Variants in GMDS observed in about 807,000 individuals in gnomAD.
The protein encoded by GMDS is GDP-mannose 4,6 dehydratase.
Under a neutral mutation model 49.9 loss-of-function variants are expected in GMDS, and 20 were observed. The ratio of observed to expected loss-of-function variants is 0.40; its 90% confidence interval spans 0.28 to 0.58. GMDS has a LOEUF of 0.58. Ranked by LOEUF, GMDS falls within the 20% of genes least tolerant of loss-of-function variation. GMDS has a pLI of 0.42. For missense variants in GMDS, 362 were observed against 481.4 expected, an observed-to-expected ratio of 0.75 and a Z score of 2.32; for synonymous variants, 177 against 178.6, an observed-to-expected ratio of 0.99 and a Z score of 0.07.
chr6:2,230,701 G>A (rs550834675), intron 1 of GMDS, among the ~76,000 whole-genome samples: 45 of 151,388 alleles, frequency 3.0e-4, no homozygotes, highest in African/African-American at 9.0e-4. Flanking sequence ...AATTGATAAG[G>A]GATAAAATTA....
intron 4 of GMDS, among the ~76,000 whole-genome samples, chr6:1,974,907 G>A (rs1356024877): frequency 6.6e-6 from 1 of 151,696 alleles, no homozygotes; most frequent in African/African-American, 2.4e-5. Flanking sequence ...GCACGATGGT[G>A]GGCGCCTGTA....
intron 4 of GMDS, among the ~76,000 whole-genome samples, chr6:2,059,149 C>T (rs1202065462): frequency 1.5e-5 from 2 of 129,794 alleles, no homozygotes; most frequent in Non-Finnish European, 3.1e-5. Context: ...GCACTCCAGC[C>T]TGGGCGACAG....
chr6:1,790,401 A>G (rs1488480196), intron 7 of GMDS, among the ~76,000 whole-genome samples: 1 of 152,228 alleles, frequency 6.6e-6, no homozygotes, highest in Non-Finnish European at 1.5e-5. Context: ...ATAAAGAAGC[A>G]AAAGTGAAAT....
rs143044580 is a variant in GMDS at position 2,226,555 on chromosome 6, A to T, written c.102+18766T>A. Among the ~76,000 whole-genome samples, 109 of 152,342 alleles carry T rather than the reference A, an allele frequency of 7.2e-4. 1 individual carries two copies. The highest frequency in any genetic ancestry group is 2.4e-3 in the African/African-American group (99 of 41,582). On this transcript the variant is annotated intron_variant, in intron 1 of 10. Coordinates refer to ENST00000380815, the MANE Select transcript of GMDS (RefSeq NM_001500.4). ...TAGCCCCAACAACAGAGATATTATA[A>T]CCCTCCTATCAGAATACACAGAAAT...
At chr6:2,161,465 G>A (rs947797975) in intron 1 of GMDS, among the ~76,000 whole-genome samples, 4 of 152,188 alleles carry the variant, frequency 2.6e-5, no homozygotes, top group African/African-American at 9.7e-5. Flanking sequence ...GACATCTTAT[G>A]AGTACTGGGA....
intron 7 of GMDS, among the ~76,000 whole-genome samples, chr6:1,842,061 T>C (rs1040130137): frequency 2.0e-5 from 3 of 152,202 alleles, no homozygotes; most frequent in Non-Finnish European, 4.4e-5. Flanking sequence ...CCATTCTCCA[T>C]ATTCACATAC....
chr6:1,850,030 T>A (rs1186631031), intron 7 of GMDS, among the ~76,000 whole-genome samples: 3 of 152,244 alleles, frequency 2.0e-5, no homozygotes, highest in African/African-American at 7.2e-5. Flanking sequence ...CCATAAATGA[T>A]CATCATGTGT....
chr6:1,773,430 T>C (rs958123200), intron 7 of GMDS, among the ~76,000 whole-genome samples: 3 of 152,202 alleles, frequency 2.0e-5, no homozygotes, highest in Non-Finnish European at 2.9e-5. Flanking sequence ...ATGAAATACA[T>C]GTTGGTGCTA....
chr6:2,164,035 A>C (rs1249473760), intron 1 of GMDS, among the ~76,000 whole-genome samples: 1 of 152,214 alleles, frequency 6.6e-6, no homozygotes. Context: ...CCTTTTCTCT[A>C]CATTAAAATG....
At chr6:1,680,667 T>C (rs540656436) in intron 9 of GMDS, among the ~76,000 whole-genome samples, 7 of 152,342 alleles carry the variant, frequency 4.6e-5, no homozygotes, top group African/African-American at 7.2e-5. Context: ...CAAAGTGTCA[T>C]GAACGGCGTA....
chr6:2,122,417 GCC>G lies in GMDS; in HGVS notation c.147+2268_147+2269del, dbSNP rs905061472. On this transcript the variant is annotated intron_variant, in intron 2 of 10. Transcript: ENST00000380815. ...ATTGCTGATGTTGACCACCACCACT[GCC>G]CCCCACCCCGAGTTCACACGTAATA... 3.3e-5 allele frequency among the ~76,000 whole-genome samples: 5 copies of G among 152,124 alleles called. No homozygotes were observed. In the East Asian group the frequency reaches 5.8e-4, roughly 18 times the overall value.
intron 1 of GMDS, among the ~76,000 whole-genome samples, chr6:2,203,214 G>T (rs542367333): frequency 6.6e-6 from 1 of 151,998 alleles, no homozygotes; most frequent in African/African-American, 2.4e-5. Context: ...GGTAGTTAAC[G>T]TTTATTGATT....
chr6:1,700,066 C>A (rs555409006), intron 9 of GMDS, among the ~76,000 whole-genome samples: 1 of 152,280 alleles, frequency 6.6e-6, no homozygotes, highest in African/African-American at 2.4e-5. Flanking sequence ...AGAAGAACCA[C>A]CCCCTCCGCA....
intron 1 of GMDS, among the ~76,000 whole-genome samples, chr6:2,149,460 A>C (rs1332640386): frequency 6.6e-6 from 1 of 152,180 alleles, no homozygotes; most frequent in Admixed American, 6.5e-5. Flanking sequence ...AAACACGCAC[A>C]TAAGGATTAT....
intron 7 of GMDS, among the ~76,000 whole-genome samples, chr6:1,834,127 T>C (rs1756813576): frequency 6.6e-6 from 1 of 152,230 alleles, no homozygotes; most frequent in Non-Finnish European, 1.5e-5. Flanking sequence ...CAGGTTAAAA[T>C]GCTTGGCATG....
At chr6:1,724,437 G>T (rs1416916765) in intron 9 of GMDS, among the ~76,000 whole-genome samples, 1 of 152,148 alleles carries the variant, frequency 6.6e-6, no homozygotes, top group African/African-American at 2.4e-5. Flanking sequence ...GAATTCTTTT[G>T]TTCTGTGTCC....
At chr6:2,095,885 C>T (rs933606319) in intron 4 of GMDS, among the ~76,000 whole-genome samples, 4 of 152,022 alleles carry the variant, frequency 2.6e-5, no homozygotes, top group Non-Finnish European at 5.9e-5. Flanking sequence ...ATTCTCAAGT[C>T]CCCTCAAAAA....
chr6:1,664,296 C>A (rs1764172081), intron 9 of GMDS, among the ~76,000 whole-genome samples: 1 of 152,220 alleles, frequency 6.6e-6, no homozygotes, highest in East Asian at 1.9e-4. Context: ...TGAGCTGGCC[C>A]CAGATTTCTG....
At chr6:2,008,315 G>A (rs1767326433) in intron 4 of GMDS, among the ~76,000 whole-genome samples, 1 of 151,994 alleles carries the variant, frequency 6.6e-6, no homozygotes, top group African/African-American at 2.4e-5. Flanking sequence ...ATTTATTCTT[G>A]ATGAAAAACA....
Sources: allele counts gnomAD v4.1 joint callset (sites outside exome capture counted in the v4.1 genomes callset), GRCh38; gene constraint gnomAD v4.1.1; transcripts MANE v1.5; gene names NCBI Gene and HGNC (gene_info 2026-07-23, HGNC 2026-07-21).